The following KIF21A variants were observed in gnomAD, a reference collection of about 807,000 sequenced individuals.
KIF21A encodes the protein kinesin-like protein KIF21A.
A neutral mutation model predicts 202.9 loss-of-function variants in KIF21A; 114 were observed. That is an observed-to-expected ratio of 0.56 (90% CI 0.48 to 0.66). The LOEUF is 0.66. Ranked by LOEUF, KIF21A falls within the 30% of genes least tolerant of loss-of-function variation. The pLI is 0.00. For missense variants in KIF21A, 1,677 were observed against 1,994.9 expected, an observed-to-expected ratio of 0.84 and a Z score of 3.04; for synonymous variants, 667 against 670.8, an observed-to-expected ratio of 0.99 and a Z score of 0.09.
At chr12:39,311,341 T>G in intron 32 of KIF21A, 76 bp downstream of exon 32, 1 of 1,357,738 alleles carries the variant, frequency 7.4e-7, no homozygotes, top group Non-Finnish European at 1.0e-6. Flanking sequence ...TTTGACAGTT[T>G]TCTAGAATAT....
Position 39,301,527 on chromosome 12 carries a change from A to C in KIF21A, c.4884T>G (p.Pro1628=), listed in dbSNP as rs1051471982. The change falls in exon 37 of 38, where the codon CCT becomes CCG. Residue 1628 remains proline (P), a synonymous_variant. Coordinates refer to ENST00000361418, the MANE Select transcript of KIF21A (RefSeq NM_001173464.2). The part of the protein sequence containing the change: ...PVGEMKGHDS[P]INAICVNSTH... ...TGGAATTAACACATATGGCATTGAT[A>C]GGACTATCATGACCCTTCATCTCTC... The C allele has an allele frequency of 3.1e-6, 5 of 1,614,038 alleles. No individual in the cohort carries two copies. The African/African-American group carries it at 4.0e-5, about 13-fold the overall frequency.
chr12:39,366,583 C>T, intron 5 of KIF21A, 66 bp from the exon 6 acceptor site: 1 of 1,229,278 alleles, frequency 8.1e-7, no homozygotes. Flanking sequence ...CCTAACCTAC[C>T]TTGCGCTTAT....
At chr12:39,306,247 A>G (rs1943464316) in intron 34 of KIF21A, among the ~76,000 whole-genome samples, 2 of 152,262 alleles carry the variant, frequency 1.3e-5, no homozygotes, top group Non-Finnish European at 2.9e-5. Flanking sequence ...GGTCTCCAAG[A>G]GTCAAACCTA....
chr12:39,356,690 T>C (rs536307161), intron 10 of KIF21A, 142 bp downstream of exon 10: 204 of 536,782 alleles, frequency 3.8e-4, no homozygotes, highest in Non-Finnish European at 6.2e-4. Flanking sequence ...AAGTAAAGAA[T>C]CTCCTAAAGT....
At position 39,340,397 on chromosome 12, in the gene KIF21A, T is replaced by C. The variant is rs199565496; in HGVS notation, c.2111-33A>G. The C allele has an allele frequency of 2.1e-4, 312 of 1,491,750 alleles. 1 individual carries two copies. The Middle Eastern group carries it at 4.2e-3, about 20-fold the overall frequency. The allele number at this position is 1,491,750 out of a possible 1,614,324, so 92.4% of individuals were successfully genotyped here. ...ACCAGAGGACATTTTTATATGTTTT[T>C]TTGTGAGACACAGATTTTTATTTCA... On this transcript the variant is annotated intron_variant, in intron 15 of 37. Transcript: ENST00000361418.
intron 1 of KIF21A, among the ~76,000 whole-genome samples, chr12:39,417,964 T>C (rs1433469097): frequency 6.6e-6 from 1 of 151,964 alleles, no homozygotes; most frequent in Non-Finnish European, 1.5e-5. Context: ...TCCCAGCACT[T>C]TGGGAGGCTA....
intron 32 of KIF21A, 35 bp from the exon 33 acceptor site, chr12:39,309,801 T>A: frequency 6.6e-7 from 1 of 1,514,402 alleles, no homozygotes. Flanking sequence ...AAAACACCAT[T>A]AATATGAACT....
intron 4 of KIF21A, among the ~76,000 whole-genome samples, chr12:39,367,433 C>T (rs1949676057): frequency 6.6e-6 from 1 of 152,194 alleles, no homozygotes; most frequent in Admixed American, 6.5e-5. Context: ...TATAGTAGAA[C>T]ACTTTGGTAC....
chr12:39,331,760 A>T lies in KIF21A; in HGVS notation c.3083T>A (p.Val1028Asp), dbSNP rs751673366. ...EEGETLDVTA[V>D]INACTLTEAR... ...TTCTGTAAGGGTGCAGGCATTAATG[A>T]CTGCAGTAACATCCAATGTCTCACC... Residue 1028 changes from valine to aspartate, a missense_variant, in exon 22 of 38, where the codon GTC becomes GAC. Physicochemically the swap from Val to Asp is radical, Grantham distance 152 (BLOSUM62 -3). Around this residue, in one of 3 missense-constraint regions of KIF21A, gnomAD observed 705 missense variants for 791.9 expected, o/e 0.89. Transcript: ENST00000361418. 2 of 1,611,992 alleles carry T rather than the reference A, an allele frequency of 1.2e-6. No individual in the cohort carries two copies. The highest frequency in any genetic ancestry group is 2.2e-5 in the East Asian group (1 of 44,794).
chr12:39,394,441 T>C (rs1030429638), intron 1 of KIF21A, among the ~76,000 whole-genome samples: 1 of 152,232 alleles, frequency 6.6e-6, no homozygotes, highest in African/African-American at 2.4e-5. Context: ...AATTTTGCTG[T>C]AGATTTACAG....
In KIF21A at chr12:39,373,180, C is replaced by T. The variant is rs17127083; in HGVS notation, c.45-2919G>A. Reference sequence around the variant, plus strand: ...AACCCTTCAGTGCATCTCTAAATCCCTCTGCTTTGCCATGCTACATCTTTG... The same window carrying T: ...AACCCTTCAGTGCATCTCTAAATCCTTCTGCTTTGCCATGCTACATCTTTG... On this transcript the variant is annotated intron_variant, in intron 1 of 37. Coordinates refer to ENST00000361418, the MANE Select transcript of KIF21A (RefSeq NM_001173464.2). 5.3e-3 allele frequency among the ~76,000 whole-genome samples: 808 copies of T among 152,286 alleles called. 8 individuals carry two copies. Among genetic ancestry groups the T allele is most frequent in the African/African-American group, 0.019 (769 of 41,554 alleles).
intron 6 of KIF21A, among the ~76,000 whole-genome samples, chr12:39,365,106 C>T (rs1346237656): frequency 6.6e-6 from 1 of 152,186 alleles, no homozygotes; most frequent in Admixed American, 6.5e-5. Flanking sequence ...GAACAGAAGA[C>T]AGCAAGAAGA....
At position 39,319,984 on chromosome 12, in the gene KIF21A, T is replaced by C; in HGVS notation, c.3701A>G (p.Lys1234Arg). ...ISRQSSLSEK[K>R]IPEPSPVTRR... ...TGTTACAGGAGAAGGCTCTGGAATT[T>C]TTTTTTCTGATAGAGATGACTGCCT... Residue 1234 changes from lysine (K) to arginine (R), a missense_variant, in exon 28 of 38, where the codon AAA (lysine) becomes AGA (arginine). This residue lies in a region of KIF21A where 705 missense variants were observed against 791.9 expected (regional missense o/e 0.89). Transcript: ENST00000361418. The C allele has an allele frequency of 1.2e-6, 2 of 1,607,396 alleles. No individual in the cohort carries two copies. Among genetic ancestry groups the C allele is most frequent in the Non-Finnish European group, 1.7e-6 (2 of 1,175,584 alleles).
In KIF21A at chr12:39,332,458, A is replaced by G. The variant is rs367789459; in HGVS notation, c.2857-50T>C. The G allele has an allele frequency of 1.1e-5, 18 of 1,578,856 alleles. No homozygotes were observed. In the African/African-American group the frequency reaches 1.8e-4, roughly 15 times the overall value. ...TAAGAAATTATGTTCACTTATTTAT[A>G]TACAGTACCATCAAACCCCCCCACC... On this transcript the variant is annotated intron_variant, in intron 20 of 37. Transcript: ENST00000361418.
chr12:39,335,434 T>G (rs11836755), intron 17 of KIF21A, among the ~76,000 whole-genome samples: 47,199 of 136,090 alleles, frequency 0.35, 9,687 homozygotes, highest in African/African-American at 0.6. Flanking sequence ...AAAAAAAAAA[T>G]CAAGACACAA....
At chr12:39,336,553 A>C (rs1366380810) in intron 17 of KIF21A, among the ~76,000 whole-genome samples, 2 of 152,178 alleles carry the variant, frequency 1.3e-5, no homozygotes, top group Non-Finnish European at 2.9e-5. Context: ...CTTTTTTCAC[A>C]ATTACAAAGA....
intron 17 of KIF21A, among the ~76,000 whole-genome samples, chr12:39,336,165 C>T (rs757890869): frequency 1.6e-4 from 25 of 151,940 alleles, no homozygotes; most frequent in Non-Finnish European, 2.9e-4. Context: ...AGCAATCCTC[C>T]GGCCTCAGTC....
At chr12:39,362,150 C>T (rs1025976576) in intron 7 of KIF21A, among the ~76,000 whole-genome samples, 3 of 152,096 alleles carry the variant, frequency 2.0e-5, no homozygotes, top group African/African-American at 4.8e-5. Flanking sequence ...TGTGGCCTCC[C>T]TAGAAGCCAA....
chr12:39,362,718 AGT>A (rs1949326090), intron 7 of KIF21A, among the ~76,000 whole-genome samples: 1 of 152,204 alleles, frequency 6.6e-6, no homozygotes, highest in African/African-American at 2.4e-5. Flanking sequence ...CTTAGGAAAG[AGT>A]ACTTTTTCAA....
Sources: gnomAD v4.1 joint callset for allele counts (sites outside exome capture counted in the v4.1 genomes callset) on GRCh38, gnomAD v4.1.1 for gene constraint, gnomAD v4.1.1 regional missense constraint, MANE v1.5 for transcripts, NCBI Gene and HGNC (gene_info 2026-07-23, HGNC 2026-07-21) for gene names.